Variants in CEL observed in about 807,000 individuals in gnomAD.
CEL encodes bile salt-activated lipase.
A neutral mutation model predicts 57.1 loss-of-function variants in CEL; 39 were observed. The observed-to-expected ratio is 0.68, with a 90% CI of 0.53 to 0.89. The LOEUF (loss-of-function observed/expected upper bound fraction) is 0.89, where lower values mean the gene tolerates loss of function less well. Ranked by LOEUF, CEL falls within the 40% of genes least tolerant of loss-of-function variation. The pLI is 0.00. For missense variants in CEL, 698 were observed against 915.0 expected (o/e 0.76, Z 3.06); for synonymous variants, 314 against 396.6 (o/e 0.79, Z 2.48).
chr9:133,066,531 T>C lies in CEL; in HGVS notation c.540T>C (p.Gly180=), dbSNP rs1240711171. ...CCCCCTCCCCTGCCCTGCCCCCAGG[T>C]AACTATGGCCTTCGGGATCAGCACA... is the stretch of plus-strand genomic sequence containing the variant. ...FLSTGDANLP[G]NYGLRDQHMA... The change falls in exon 5 of 11, where the codon GGT becomes GGC. Residue 180 remains glycine (G), a splice_region_variant and synonymous_variant. Transcript: ENST00000372080. The surrounding 1 kb of genome is among the most constrained non-coding windows in gnomAD (Gnocchi z 4.3). 6.2e-7 allele frequency: 1 copy of C among 1,613,900 alleles called. No individual in the cohort carries two copies. Among genetic ancestry groups the C allele is most frequent in the Non-Finnish European group, 8.5e-7 (1 of 1,179,984 alleles).
rs565729464 is a variant in CEL at position 133,071,668 on chromosome 9, C to T, written c.2166C>T (p.Ala722=). The part of the protein sequence containing the change: ...APVPPTGDSG[A]PPVPPTGDSE... ...TGCCGCCCACGGGTGACTCCGGGGC[C>T]CCCCCTGTGCCCCCCACGGGTGACT... The change falls in exon 11 of 11, where the codon GCC becomes GCT. Residue 722 remains alanine, a synonymous_variant. Coordinates refer to ENST00000372080, the MANE Select transcript of CEL (RefSeq NM_001807.6). 9.5e-6 allele frequency: 15 copies of T among 1,579,120 alleles called. No individual in the cohort carries two copies. Among genetic ancestry groups the T allele is most frequent in the East Asian group, 4.5e-5 (2 of 44,034 alleles).
rs529664291 is a variant in CEL, at chr9:133,071,145, C to T, written c.1643C>T (p.Ala548Val). 3.2e-5 allele frequency: 52 copies of T among 1,608,608 alleles called. No homozygotes were observed. The East Asian group carries it at 5.1e-4, about 16-fold the overall frequency. Residue 548 changes from alanine (A) to valine (V), a missense_variant, in exon 11 of 11, where the codon GCG (alanine) becomes GTG (valine). Ala to Val is a moderately conservative substitution (Grantham distance 64). Transcript: ENST00000372080. ...FLRYWTLTYL[A>V]LPTVTDQEAT... Reference sequence around the variant, plus strand: ...CGCTACTGGACCCTCACCTATCTGGCGCTGCCCACAGTGACCGACCAGGAG... The same window carrying T: ...CGCTACTGGACCCTCACCTATCTGGTGCTGCCCACAGTGACCGACCAGGAG...
chr9:133,067,636 G>A (rs1830202007), intron 7 of CEL, among the ~76,000 whole-genome samples: 1 of 152,162 alleles, frequency 6.6e-6, no homozygotes, highest in African/African-American at 2.4e-5. Flanking sequence ...GCCTCCCAAA[G>A]TGCTGGAATT....
rs1830145027 is a variant in CEL at position 133,064,633 on chromosome 9, C to T, written c.218-7C>T. The stretch of plus-strand genomic sequence containing the variant: ...GCCTTCCTCATGCCAACTCCTGCCA[C>T]CTGCAGGGACCCTGAAGGCCAAGAA... On this transcript the variant is annotated splice_polypyrimidine_tract_variant and splice_region_variant and intron_variant, in intron 2 of 10. Coordinates refer to ENST00000372080, the MANE Select transcript of CEL (RefSeq NM_001807.6). The T allele has an allele frequency of 3.7e-6, 6 of 1,613,862 alleles. No individual in the cohort carries two copies. Among genetic ancestry groups the T allele is most frequent in the South Asian group, 1.1e-5 (1 of 91,088 alleles).
intron 6 of CEL, 59 bp from the exon 7 acceptor site, chr9:133,067,029 A>G (rs953962057): frequency 6.2e-7 from 1 of 1,608,660 alleles, no homozygotes; most frequent in African/African-American, 1.3e-5. Context: ...TTGCCTTCAA[A>G]TGGTTCTGAG....
chr9:133,068,547 T>G (rs1400318780), intron 7 of CEL, 125 bp from the exon 8 acceptor site: 2 of 927,768 alleles, frequency 2.2e-6, no homozygotes, highest in East Asian at 5.4e-5. Flanking sequence ...GAATCAACCC[T>G]GCCCCAAGTG....
rs766281739 is a variant in CEL at position 133,070,973 on chromosome 9, T to G, written c.1485-14T>G. Reference sequence around the variant, plus strand: ...GAGTCCCCAGCCCCTGCACAGCCTCTTCTCACTCTGCAGGGACCCCAACAT... The same window carrying G: ...GAGTCCCCAGCCCCTGCACAGCCTCGTCTCACTCTGCAGGGACCCCAACAT... On this transcript the variant is annotated splice_polypyrimidine_tract_variant and intron_variant, in intron 10 of 10. Transcript: ENST00000372080. The G allele has an allele frequency of 6.2e-7, 1 of 1,613,074 alleles. No individual in the cohort carries two copies. Among genetic ancestry groups the G allele is most frequent in the Admixed American group, 1.7e-5 (1 of 59,988 alleles).
intron 1 of CEL, 46 bp from the exon 2 acceptor site, chr9:133,064,358 C>G (rs115873608): frequency 6.2e-7 from 1 of 1,610,566 alleles, no homozygotes; most frequent in Non-Finnish European, 8.5e-7. Context: ...GGATTCAGGC[C>G]GATGGGGCTT....
At chr9:133,067,270 G>C in intron 7 of CEL, 65 bp downstream of exon 7, 2 of 1,376,234 alleles carry the variant, frequency 1.5e-6, no homozygotes, top group Non-Finnish European at 2.1e-6. Flanking sequence ...TACTGCCAGG[G>C]AGTACTCCGG....
intron 3 of CEL, 61 bp from the exon 4 acceptor site, chr9:133,064,979 G>C: frequency 6.2e-7 from 1 of 1,600,550 alleles, no homozygotes; most frequent in African/African-American, 1.3e-5. Flanking sequence ...AGGGACAGGG[G>C]ACCGGCTGGA....
At chr9:133,065,271 A>G in intron 4 of CEL, 34 bp downstream of exon 4, 2 of 1,605,900 alleles carry the variant, frequency 1.2e-6, no homozygotes, top group Non-Finnish European at 1.7e-6. Flanking sequence ...AGGTGGGGCG[A>G]CCAGCATGCT....
At chr9:133,067,318 G>A in intron 7 of CEL, 113 bp downstream of exon 7, 2 of 937,894 alleles carry the variant, frequency 2.1e-6, no homozygotes, top group Non-Finnish European at 3.4e-6. Context: ...GTCTTGTCCT[G>A]TCACCAACTA....
In CEL at chr9:133,067,068, G is replaced by T. The variant is rs201657030; in HGVS notation, c.778-20G>T. On this transcript the variant is annotated intron_variant, in intron 6 of 10. Coordinates refer to ENST00000372080, the MANE Select transcript of CEL (RefSeq NM_001807.6). ...TGAGCTCCGGCCTCACCTACCTGCT[G>T]GCCTTGGTTCTGCCCCCAGGTGGCT... 1.3e-3 allele frequency: 2,087 copies of T among 1,613,326 alleles called. 24 individuals are homozygous for T. In the South Asian group the frequency reaches 0.014, roughly 11 times the overall value.
chr9:133,067,338 T>TC, intron 7 of CEL, 133 bp downstream of exon 7: 1 of 821,758 alleles, frequency 1.2e-6, no homozygotes, highest in Non-Finnish European at 2.0e-6. Context: ...AGCTGGTGTC[T>TC]CCCCTCGAAG....
chr9:133,066,256 C>T lies in CEL; in HGVS notation c.539-274C>T, dbSNP rs1830177178. On this transcript the variant is annotated intron_variant, in intron 4 of 10. Coordinates refer to ENST00000372080, the MANE Select transcript of CEL (RefSeq NM_001807.6). This position sits in a 1 kb window ranked among gnomAD's most constrained non-coding sequence, Gnocchi z 4.3. The stretch of plus-strand genomic sequence containing the variant: ...CTCCAGCACCACACCAACCCAACCT[C>T]CTGGGGACCCACCCCATACAGCACC... 6.6e-6 allele frequency among the ~76,000 whole-genome samples: 1 copy of T among 151,910 alleles called. No homozygotes were observed. Among genetic ancestry groups the T allele is most frequent in the African/African-American group, 2.4e-5 (1 of 41,328 alleles).
In CEL at chr9:133,071,836, T is replaced by G; in HGVS notation, c.*72T>G. On this transcript the variant is annotated 3_prime_UTR_variant, in exon 11 of 11. Transcript: ENST00000372080. ...GGGGCTCCCCTCCCATCTTGAGCTC[T>G]TCCTGAATAAAGCCTCATACCCCTG... 4.1e-5 allele frequency: 56 copies of G among 1,366,960 alleles called. No homozygotes were observed. The highest frequency in any genetic ancestry group is 5.1e-5 in the Non-Finnish European group (49 of 965,192). The allele number at this position is 1,366,960 out of a possible 1,614,324, so 84.7% of individuals were successfully genotyped here. A position where few individuals can be genotyped will look rare whatever the true frequency, so the allele number is the denominator to read the frequency against.
intron 1 of CEL, among the ~76,000 whole-genome samples, chr9:133,063,615 C>T (rs1055508859): frequency 3.9e-4 from 60 of 152,216 alleles, no homozygotes; most frequent in African/African-American, 1.4e-3. Context: ...CAGGAGGTGG[C>T]ACTGGGGCAG....
At chr9:133,064,919 G>A in intron 3 of CEL, 121 bp from the exon 4 acceptor site, 1 of 1,535,324 alleles carries the variant, frequency 6.5e-7, no homozygotes, top group South Asian at 1.2e-5. Context: ...CCTGGGGCAG[G>A]GCAGCGCCTT....
rs773535763 is a variant in CEL at position 133,066,612 on chromosome 9, C to T, written c.621C>T (p.Asn207=). The T allele has an allele frequency of 2.3e-5, 37 of 1,613,930 alleles. No individual in the cohort carries two copies. The highest frequency in any genetic ancestry group is 3.3e-5 in the South Asian group (3 of 91,082). ...CGGCCTTCGGGGGGGACCCCAACAA[C>T]ATCACGCTCTTCGGGGAGTCTGCTG... The part of the protein sequence containing the change: ...NIAAFGGDPN[N]ITLFGESAGG... Residue 207 remains asparagine (N), a synonymous_variant, in exon 5 of 11, where the codon AAC becomes AAT. Coordinates refer to ENST00000372080, the MANE Select transcript of CEL (RefSeq NM_001807.6). The surrounding 1 kb of genome is among the most constrained non-coding windows in gnomAD (Gnocchi z 4.3).
Sources: gnomAD v4.1 joint callset for allele counts (sites outside exome capture counted in the v4.1 genomes callset) on GRCh38, gnomAD v4.1.1 for gene constraint, Gnocchi (gnomAD v3.1) non-coding constraint, MANE v1.5 for transcripts, NCBI Gene and HGNC (gene_info 2026-07-23, HGNC 2026-07-21) for gene names.